Variants in PTPN2 observed in about 807,000 individuals in gnomAD.
PTPN2 encodes protein tyrosine phosphatase non-receptor type 2.
PTPN2 carries 19 observed loss-of-function variants against 57.3 expected under a neutral mutation model. The observed-to-expected ratio is 0.33, with a 90% confidence interval of 0.23 to 0.49. The LOEUF is 0.49. Ranked by LOEUF, PTPN2 falls within the 20% of genes least tolerant of loss-of-function variation. The pLI, the probability that PTPN2 is intolerant of heterozygous loss-of-function variation, is 0.99. For synonymous variants in PTPN2, 153 were observed against 164.9 expected (o/e 0.93, Z 0.55); for missense variants, 358 against 501.1 (o/e 0.71, Z 2.73).
intron 1 of PTPN2, among the ~76,000 whole-genome samples, chr18:12,874,856 G>C (rs1302373388): frequency 6.6e-6 from 1 of 152,240 alleles, no homozygotes; most frequent in Non-Finnish European, 1.5e-5. Context: ...TGGTTTTGTG[G>C]AATAGAAAGC....
chr18:12,847,027 T>A (rs940913318), intron 2 of PTPN2, among the ~76,000 whole-genome samples: 1 of 138,836 alleles, frequency 7.2e-6, no homozygotes, highest in African/African-American at 2.7e-5. Flanking sequence ...GACAAAACTA[T>A]GTACAAGATT....
chr18:12,857,258 A>G (rs1001070353), intron 2 of PTPN2, among the ~76,000 whole-genome samples: 1 of 152,238 alleles, frequency 6.6e-6, no homozygotes, highest in East Asian at 1.9e-4. Flanking sequence ...TGTGATGGGA[A>G]TGCTCCACTG....
intron 2 of PTPN2, among the ~76,000 whole-genome samples, chr18:12,844,958 A>T (rs546742719): frequency 6.6e-6 from 1 of 152,286 alleles, no homozygotes; most frequent in African/African-American, 2.4e-5. Context: ...TTGTCAAAAA[A>T]TCAGTTCACC....
intron 5 of PTPN2, among the ~76,000 whole-genome samples, chr18:12,818,033 T>A (rs1568107685): frequency 6.6e-6 from 1 of 152,092 alleles, no homozygotes; most frequent in East Asian, 1.9e-4. Flanking sequence ...TCTCAGCTAC[T>A]TGGGAGGCTG....
rs996337306 is a variant in PTPN2, at chr18:12,836,864, T to C, written c.188A>G (p.Asn63Ser). The change falls in exon 3 of 9, where the codon AAT (asparagine) becomes AGT (serine). Residue 63 changes from asparagine to serine, a missense_variant. Physicochemically the swap from Asn to Ser is conservative, Grantham distance 46. Around this residue, in one of 4 missense-constraint regions of PTPN2, gnomAD observed 193 missense variants for 315.4 expected, o/e 0.61. Coordinates refer to ENST00000309660, the MANE Select transcript of PTPN2 (RefSeq NM_002828.4). ...GGCATTAATATAATCATTCTCAGCATTTTGCAGTTTAACACGACTGTGATC... is the reference window on the plus strand; with the variant it reads ...GGCATTAATATAATCATTCTCAGCACTTTGCAGTTTAACACGACTGTGATC... Reference protein sequence around the residue: ...PYDHSRVKLQNAENDYINASL... With the variant: ...PYDHSRVKLQSAENDYINASL... The C allele has an allele frequency of 2.5e-6, 4 of 1,611,098 alleles. No individual in the cohort carries two copies. Among genetic ancestry groups the C allele is most frequent in the Non-Finnish European group, 2.5e-6 (3 of 1,178,756 alleles).
intron 2 of PTPN2, among the ~76,000 whole-genome samples, chr18:12,847,071 G>C (rs1390885834): frequency 6.6e-6 from 1 of 150,396 alleles, no homozygotes; most frequent in African/African-American, 2.4e-5. Flanking sequence ...AGTTTCATCT[G>C]TTAAGGAATT....
intron 7 of PTPN2, among the ~76,000 whole-genome samples, chr18:12,807,245 C>T (rs896844089): frequency 6.6e-6 from 1 of 151,760 alleles, no homozygotes; most frequent in African/African-American, 2.4e-5. Flanking sequence ...ATCACCACAC[C>T]CCAATTAGAA....
At chr18:12,876,421 G>A (rs1285460580) in intron 1 of PTPN2, among the ~76,000 whole-genome samples, 2 of 150,266 alleles carry the variant, frequency 1.3e-5, no homozygotes, top group East Asian at 2.0e-4. Flanking sequence ...ACCTACGATC[G>A]TGCCACTGCA....
At position 12,884,107 on chromosome 18, in the gene PTPN2, A is replaced by G. The variant is rs1445972788; in HGVS notation, c.35T>C (p.Leu12Ser). The G allele has an allele frequency of 6.3e-6, 10 of 1,587,994 alleles. No individual in the cohort carries two copies. Among genetic ancestry groups the G allele is most frequent in the East Asian group, 2.3e-5 (1 of 42,884 alleles). Reference sequence around the variant, plus strand: ...CGGCTGCCAGCGACGCTGAGTATCCAACTCTTCGAACTCCCGCTCGATGGT... The same window carrying G: ...CGGCTGCCAGCGACGCTGAGTATCCGACTCTTCGAACTCCCGCTCGATGGT... ...PTTIEREFEE[L>S]DTQRRWQPLY... Residue 12 changes from leucine to serine, a missense_variant, in exon 1 of 9, where the codon TTG becomes TCG. This residue lies in a region of PTPN2 where 62 missense variants were observed against 47.9 expected (regional missense o/e 1.29). Coordinates refer to ENST00000309660, the MANE Select transcript of PTPN2 (RefSeq NM_002828.4).
intron 1 of PTPN2, among the ~76,000 whole-genome samples, chr18:12,861,427 A>G (rs1419131722): frequency 1.3e-5 from 2 of 152,214 alleles, no homozygotes; most frequent in African/African-American, 4.8e-5. Context: ...ACTTCACAGA[A>G]GCATTTGCTT....
rs1474643355 is a variant in PTPN2 at position 12,814,273 on chromosome 18, T to C, written c.788A>G (p.Asp263Gly). ...AGCCATGTATGAGAATCTCAGTTGA[T>C]CTGGGGTCTGAATAAGACCCATTCG... The part of the protein sequence containing the change: ...KYRMGLIQTP[D>G]QLRFSYMAII... Residue 263 changes from aspartate (D) to glycine (G), a missense_variant, in exon 7 of 9, where the codon GAT (aspartate) becomes GGT (glycine). Coordinates refer to ENST00000309660, the MANE Select transcript of PTPN2 (RefSeq NM_002828.4). 1 of 1,606,208 alleles carries C rather than the reference T, an allele frequency of 6.2e-7. No individual in the cohort carries two copies. Among genetic ancestry groups the C allele is most frequent in the East Asian group, 2.2e-5 (1 of 44,806 alleles).
In PTPN2 at chr18:12,793,361, A is replaced by T. The variant is rs1251047758; in HGVS notation, c.*917T>A. ...TATGAATCATAAAATGCTGCTTCTT[A>T]CTTTTGCTTCCTAAATCATAATCTA... On this transcript the variant is annotated 3_prime_UTR_variant, in exon 9 of 9. Coordinates refer to ENST00000309660, the MANE Select transcript of PTPN2 (RefSeq NM_002828.4). The T allele has an allele frequency of 1.0e-6, 1 of 977,742 alleles. No homozygotes were observed. Among genetic ancestry groups the T allele is most frequent in the Non-Finnish European group, 1.2e-6 (1 of 822,426 alleles). The allele number at this position is 977,742 out of a possible 1,614,324, so 60.6% of individuals were successfully genotyped here.
chr18:12,835,891 T>C (rs1237715368), intron 3 of PTPN2, among the ~76,000 whole-genome samples: 3 of 152,192 alleles, frequency 2.0e-5, no homozygotes, highest in African/African-American at 7.2e-5. Flanking sequence ...GCCAGTTTTT[T>C]CCATGGGCTG....
At chr18:12,830,425 G>C (rs1464571162) in intron 4 of PTPN2, among the ~76,000 whole-genome samples, 2 of 152,136 alleles carry the variant, frequency 1.3e-5, no homozygotes, top group Non-Finnish European at 2.9e-5. Context: ...GAGGCACCGT[G>C]CCTGGCCTAA....
At chr18:12,787,814 A>C (rs1008414316), downstream of PTPN2, 1 of 152,696 alleles carries the variant, frequency 6.5e-6, no homozygotes, top group African/African-American at 2.4e-5. Context: ...AAGTCAAATG[A>C]AACAAACGTG....
At chr18:12,826,629 C>T (rs544496204) in intron 4 of PTPN2, among the ~76,000 whole-genome samples, 6 of 152,116 alleles carry the variant, frequency 3.9e-5, no homozygotes, top group South Asian at 2.1e-4. Flanking sequence ...AATGCAGTGG[C>T]GTGATGTTGG....
intron 6 of PTPN2, among the ~76,000 whole-genome samples, chr18:12,815,475 A>G (rs1309149419): frequency 6.6e-6 from 1 of 152,120 alleles, no homozygotes; most frequent in Non-Finnish European, 1.5e-5. Context: ...TGGAAAAGAC[A>G]GCAAAAGCCC....
chr18:12,847,617 ATT>A (rs201950400), intron 2 of PTPN2, among the ~76,000 whole-genome samples: 104 of 138,822 alleles, frequency 7.5e-4, no homozygotes, highest in South Asian at 5.9e-3. Context: ...AAAATTAAAG[ATT>A]TTTTTTTTTT....
At chr18:12,824,614 T>C (rs1336766989) in intron 5 of PTPN2, among the ~76,000 whole-genome samples, 2 of 152,186 alleles carry the variant, frequency 1.3e-5, no homozygotes, top group Admixed American at 6.5e-5. Context: ...TCAGAATTAC[T>C]CTCATTTCAT....
Sources: gnomAD v4.1 joint callset for allele counts (sites outside exome capture counted in the v4.1 genomes callset) on GRCh38, gnomAD v4.1.1 for gene constraint, gnomAD v4.1.1 regional missense constraint, MANE v1.5 for transcripts, NCBI Gene and HGNC (gene_info 2026-07-23, HGNC 2026-07-21) for gene names.